SOX6: variants seen among roughly 807,000 people sequenced by gnomAD.
The protein encoded by SOX6 is SRY-box transcription factor 6.
In SOX6, 11 loss-of-function variants were observed where a neutral mutation model predicts 97.8. That is an observed-to-expected ratio of 0.11 (90% CI 0.07 to 0.19). The LOEUF (loss-of-function observed/expected upper bound fraction) is 0.19. Among genes scored for constraint, SOX6 ranks in the 10% least tolerant of loss-of-function variants. The pLI is 1.00. For missense variants in SOX6, 810 were observed against 1,039.5 expected (o/e 0.78, Z 3.04); for synonymous variants, 360 against 371.4 (o/e 0.97, Z 0.35).
chr11:16,139,867 A>G (rs987763778), intron 6 of SOX6, among the ~76,000 whole-genome samples: 9 of 151,094 alleles, frequency 6.0e-5, no homozygotes, highest in Non-Finnish European at 1.3e-4. Context: ...TCTAATTCCA[A>G]TATAATACCA....
chr11:16,360,830 C>T (rs938918122), upstream of SOX6, among the ~76,000 whole-genome samples: 12 of 151,928 alleles, frequency 7.9e-5, no homozygotes, highest in African/African-American at 1.2e-4. Context: ...GGTGAAACCC[C>T]GTCTCTACTA....
chr11:16,032,830 C>T (rs922752150), intron 12 of SOX6, among the ~76,000 whole-genome samples: 2 of 152,162 alleles, frequency 1.3e-5, no homozygotes, highest in African/African-American at 4.8e-5. Flanking sequence ...CATGCCAGGA[C>T]CCTGCCTAGA....
At chr11:16,641,015 T>C (rs1848903429) in intron 3 of SOX6, among the ~76,000 whole-genome samples, 1 of 152,234 alleles carries the variant, frequency 6.6e-6, no homozygotes, top group African/African-American at 2.4e-5. Flanking sequence ...TTGTCCATTT[T>C]AGATCTTTCC....
At chr11:16,471,557 G>A (rs1415634210) in intron 1 of SOX6, among the ~76,000 whole-genome samples, 5 of 152,158 alleles carry the variant, frequency 3.3e-5, no homozygotes, top group Non-Finnish European at 5.9e-5. Flanking sequence ...TGGAAATTAA[G>A]GTTCATAAAA....
At chr11:16,509,455 G>A (rs1288270176) in intron 4 of SOX6, among the ~76,000 whole-genome samples, 2 of 151,788 alleles carry the variant, frequency 1.3e-5, no homozygotes, top group African/African-American at 4.8e-5. Context: ...ATAAAGTGTT[G>A]GGATTGATAT....
chr11:16,265,630 G>A (rs1674623918), intron 3 of SOX6, among the ~76,000 whole-genome samples: 1 of 151,812 alleles, frequency 6.6e-6, no homozygotes, highest in South Asian at 2.1e-4. Context: ...CTGAACTAAC[G>A]ATGACAGAGA....
intron 7 of SOX6, among the ~76,000 whole-genome samples, chr11:16,103,578 C>T (rs978989036): frequency 6.6e-6 from 1 of 151,886 alleles, no homozygotes. Context: ...TGCATGTTTA[C>T]AGCAGCACAA....
chr11:16,617,976 G>T (rs1848492236), intron 3 of SOX6, among the ~76,000 whole-genome samples: 1 of 151,834 alleles, frequency 6.6e-6, no homozygotes, highest in South Asian at 2.1e-4. Flanking sequence ...TATAAATTCA[G>T]AACAACTAGA....
chr11:16,415,827 A>C (rs1442142826), intron 1 of SOX6, among the ~76,000 whole-genome samples: 3 of 152,206 alleles, frequency 2.0e-5, no homozygotes, highest in Non-Finnish European at 4.4e-5. Context: ...GGAAAATAAC[A>C]GTAAAGAGAA....
intron 3 of SOX6, among the ~76,000 whole-genome samples, chr11:16,659,962 T>C (rs971563022): frequency 1.3e-5 from 2 of 152,160 alleles, no homozygotes; most frequent in Non-Finnish European, 2.9e-5. Flanking sequence ...GGAATCAGTA[T>C]AGTTGGTCCC....
At position 16,605,314 on chromosome 11, in the gene SOX6, G is replaced by A. The variant is rs1353992701; in HGVS notation, n.609+6767C>T. On this transcript the variant is annotated intron_variant and non_coding_transcript_variant, in intron 4 of 5. Transcript: ENST00000524520. The surrounding 1 kb of genome is among the most constrained non-coding windows in gnomAD (Gnocchi z 5.3). Reference sequence around the variant, plus strand: ...GGCGAAGTCCGCGCCCGGCGGGGCTGAACTACCCCTCGCCCCCGCTCCCGC... The same window carrying A: ...GGCGAAGTCCGCGCCCGGCGGGGCTAAACTACCCCTCGCCCCCGCTCCCGC... Among the ~76,000 whole-genome samples, 2 of 152,140 alleles carry A rather than the reference G, an allele frequency of 1.3e-5. No individual in the cohort carries two copies. The highest frequency in any genetic ancestry group is 2.9e-5 in the Non-Finnish European group (2 of 68,010).
At chr11:16,566,371 T>C (rs1043199245) in intron 4 of SOX6, among the ~76,000 whole-genome samples, 3 of 152,212 alleles carry the variant, frequency 2.0e-5, no homozygotes, top group South Asian at 2.1e-4. Context: ...TATTTAACTT[T>C]CATAAGTCCT....
intron 3 of SOX6, among the ~76,000 whole-genome samples, chr11:16,660,520 G>C (rs1055055399): frequency 6.6e-6 from 1 of 152,128 alleles, no homozygotes; most frequent in African/African-American, 2.4e-5. Context: ...GATCTATCTA[G>C]GTGAATGCTC....
intron 6 of SOX6, among the ~76,000 whole-genome samples, chr11:16,160,402 G>C (rs1850717434): frequency 6.6e-6 from 1 of 152,168 alleles, no homozygotes; most frequent in South Asian, 2.1e-4. Flanking sequence ...GATGGAAGCT[G>C]TATGTTTTAC....
At chr11:16,295,945 C>A (rs1010088635) in intron 3 of SOX6, among the ~76,000 whole-genome samples, 4 of 151,998 alleles carry the variant, frequency 2.6e-5, no homozygotes, top group Non-Finnish European at 5.9e-5. Flanking sequence ...AACAGGCTAT[C>A]CTATTTAGTG....
At chr11:16,507,049 G>A (rs748823208) in intron 4 of SOX6, among the ~76,000 whole-genome samples, 8 of 152,154 alleles carry the variant, frequency 5.3e-5, no homozygotes, top group South Asian at 2.1e-4. Context: ...TGATAACGGA[G>A]AGAAACTCTG....
At chr11:16,204,463 A>G (rs1037069925) in intron 4 of SOX6, among the ~76,000 whole-genome samples, 2 of 152,244 alleles carry the variant, frequency 1.3e-5, no homozygotes, top group South Asian at 2.1e-4. Flanking sequence ...GTATATCTAT[A>G]CAGTTCCAAA....
At chr11:16,729,972 G>C (rs1045439131) in intron 2 of SOX6, among the ~76,000 whole-genome samples, 2 of 150,990 alleles carry the variant, frequency 1.3e-5, no homozygotes, top group Non-Finnish European at 2.9e-5. Flanking sequence ...AAAAGACAAA[G>C]AAGGGCATTA....
intron 9 of SOX6, among the ~76,000 whole-genome samples, chr11:16,076,380 T>C (rs1315474640): frequency 6.8e-6 from 1 of 148,032 alleles, no homozygotes; most frequent in Non-Finnish European, 1.5e-5. Context: ...ATATGCAGAA[T>C]CTATAAGGAA....
Sources: gnomAD v4.1 joint callset for allele counts (sites outside exome capture counted in the v4.1 genomes callset) on GRCh38, gnomAD v4.1.1 for gene constraint, Gnocchi (gnomAD v3.1) non-coding constraint, MANE v1.5 for transcripts, NCBI Gene and HGNC (gene_info 2026-07-23, HGNC 2026-07-21) for gene names.